Variants in CNOT1 observed in about 807,000 individuals in gnomAD.
The protein encoded by CNOT1 is CCR4-associated factor 1.
Under a neutral mutation model 273.8 loss-of-function variants are expected in CNOT1, and 15 were observed. That is an observed-to-expected ratio of 0.05 (90% CI 0.04 to 0.08). The LOEUF (loss-of-function observed/expected upper bound fraction) is 0.08, where lower values mean the gene tolerates loss of function less well. CNOT1 is among the 10% of genes least tolerant of loss of function. The pLI is 1.00. For synonymous variants in CNOT1, 1,022 were observed against 1,005.5 expected (o/e 1.02, Z -0.31); for missense variants, 1,644 against 2,912.2 (o/e 0.56, Z 10.02).
At chr16:58,616,369 G>A (rs972773780) in intron 1 of CNOT1, among the ~76,000 whole-genome samples, 1 of 148,028 alleles carries the variant, frequency 6.8e-6, no homozygotes, top group African/African-American at 2.5e-5. Context: ...GCCTCCCAAA[G>A]TGCTGGGATT....
intron 1 of CNOT1, among the ~76,000 whole-genome samples, chr16:58,607,024 G>A (rs2042706165): frequency 6.6e-6 from 1 of 152,082 alleles, no homozygotes; most frequent in Non-Finnish European, 1.5e-5. Flanking sequence ...ACAGAACCAA[G>A]AGTAGCTGTG....
intron 42 of CNOT1, 92 bp downstream of exon 42, chr16:58,531,866 A>T: frequency 1.4e-6 from 2 of 1,423,362 alleles, no homozygotes. Flanking sequence ...TACAATTACT[A>T]CTAAATGACT....
At chr16:58,628,621 T>C (rs74020122) in intron 1 of CNOT1, among the ~76,000 whole-genome samples, 1 of 146,446 alleles carries the variant, frequency 6.8e-6, no homozygotes, top group Non-Finnish European at 1.5e-5. Flanking sequence ...AAAACCCAAG[T>C]AGTCACAGGC....
intron 43 of CNOT1, 34 bp from the exon 44 acceptor site, chr16:58,528,682 C>G: frequency 6.6e-7 from 1 of 1,515,454 alleles, no homozygotes; most frequent in Admixed American, 1.9e-5. Context: ...TATTTCCACA[C>G]TAAGGAAAAT....
intron 34 of CNOT1, among the ~76,000 whole-genome samples, chr16:58,540,454 A>G (rs575780799): frequency 1.3e-5 from 2 of 152,356 alleles, no homozygotes; most frequent in African/African-American, 4.8e-5. Flanking sequence ...CTGGACAAAC[A>G]AATCAAGTCA....
At chr16:58,543,219 T>A in intron 31 of CNOT1, 3 of 1,520,948 alleles carry the variant, frequency 2.0e-6, no homozygotes, top group Non-Finnish European at 2.6e-6. Flanking sequence ...AGTGAATTAT[T>A]TGAAAAGTGT....
chr16:58,607,486 G>C (rs561102017), intron 1 of CNOT1, among the ~76,000 whole-genome samples: 1 of 151,882 alleles, frequency 6.6e-6, no homozygotes, highest in African/African-American at 2.4e-5. Flanking sequence ...CCAGCACTTC[G>C]GGAGGCCAAG....
intron 41 of CNOT1, 56 bp downstream of exon 41, chr16:58,532,176 A>G: frequency 4.4e-6 from 7 of 1,605,616 alleles, no homozygotes; most frequent in Non-Finnish European, 6.0e-6. Flanking sequence ...TACTCCCAAA[A>G]TTTTACTACA....
At chr16:58,575,721 C>T (rs959068473) in intron 14 of CNOT1, among the ~76,000 whole-genome samples, 11 of 152,110 alleles carry the variant, frequency 7.2e-5, no homozygotes, top group African/African-American at 2.4e-4. Context: ...ATCACTTGAA[C>T]CCGGGAGGCA....
chr16:58,579,961 G>A (rs2041598514), intron 12 of CNOT1, among the ~76,000 whole-genome samples: 1 of 152,190 alleles, frequency 6.6e-6, no homozygotes, highest in Non-Finnish European at 1.5e-5. Flanking sequence ...TGCAATCCCA[G>A]CACTTTGAGA....
At chr16:58,542,732 C>T (rs944889459) in intron 31 of CNOT1, among the ~76,000 whole-genome samples, 164 bp from the exon 32 acceptor site, 1 of 152,214 alleles carries the variant, frequency 6.6e-6, no homozygotes, top group African/African-American at 2.4e-5. Flanking sequence ...GTCTTAACAG[C>T]TTCCTCACTT....
chr16:58,527,704 A>C (rs2039642803), intron 44 of CNOT1, among the ~76,000 whole-genome samples: 1 of 152,210 alleles, frequency 6.6e-6, no homozygotes, highest in African/African-American at 2.4e-5. Flanking sequence ...GCCACTTTAC[A>C]TACAGGACTT....
intron 1 of CNOT1, among the ~76,000 whole-genome samples, chr16:58,601,977 T>G (rs370929145): frequency 6.6e-6 from 1 of 152,158 alleles, no homozygotes. Flanking sequence ...TAGTCTACTC[T>G]GATGACTTTT....
chr16:58,577,430 G>C (rs1250372575), intron 13 of CNOT1, among the ~76,000 whole-genome samples: 3 of 152,082 alleles, frequency 2.0e-5, no homozygotes, highest in Non-Finnish European at 4.4e-5. Flanking sequence ...TGAGTCTCTA[G>C]GAAAGGAGGG....
chr16:58,607,788 G>A (rs1317813882), intron 1 of CNOT1, among the ~76,000 whole-genome samples: 1 of 147,710 alleles, frequency 6.8e-6, no homozygotes, highest in Non-Finnish European at 1.5e-5. Context: ...AAAAGGAGAA[G>A]AGATAGAAGT....
intron 1 of CNOT1, among the ~76,000 whole-genome samples, chr16:58,629,326 G>A (rs1258996948): frequency 1.3e-5 from 2 of 152,242 alleles, no homozygotes; most frequent in Non-Finnish European, 2.9e-5. Flanking sequence ...AGGGAGCAGA[G>A]ACAGAAACAG....
intron 44 of CNOT1, among the ~76,000 whole-genome samples, chr16:58,527,291 A>C (rs1220237394): frequency 6.6e-6 from 1 of 152,120 alleles, no homozygotes; most frequent in Non-Finnish European, 1.5e-5. Flanking sequence ...TGGGAGGCCA[A>C]GGCAGGCAGA....
chr16:58,576,947 AAAAAC>A (rs1290091301), intron 13 of CNOT1, among the ~76,000 whole-genome samples: 4 of 152,236 alleles, frequency 2.6e-5, no homozygotes, highest in Non-Finnish European at 5.9e-5. Context: ...GTATATAAAT[AAAAAC>A]AAAACAATTT....
chr16:58,553,689 G>A, intron 22 of CNOT1, 93 bp downstream of exon 22: 4 of 1,407,346 alleles, frequency 2.8e-6, no homozygotes, highest in Non-Finnish European at 3.7e-6. Context: ...AAATCTTAAT[G>A]CCATTACTAT....
Sources: gnomAD v4.1 joint callset for allele counts (sites outside exome capture counted in the v4.1 genomes callset) on GRCh38, gnomAD v4.1.1 for gene constraint, MANE v1.5 for transcripts, NCBI Gene and HGNC (gene_info 2026-07-23, HGNC 2026-07-21) for gene names.